IQGAP2: variants seen among roughly 807,000 people sequenced by gnomAD.
IQGAP2 encodes ras GTPase-activating-like protein IQGAP2.
A neutral mutation model predicts 201.3 loss-of-function variants in IQGAP2; 173 were observed. That is an observed-to-expected ratio of 0.86 (90% CI 0.76 to 0.98). The LOEUF (loss-of-function observed/expected upper bound fraction) is 0.98. IQGAP2 is among the 50% of genes least tolerant of loss of function. The pLI is 0.00. For synonymous variants in IQGAP2, 675 were observed against 673.9 expected (o/e 1.00, Z -0.03); for missense variants, 1,687 against 1,864.8 (o/e 0.90, Z 1.76).
intron 1 of IQGAP2, among the ~76,000 whole-genome samples, chr5:76,436,491 ATATATATATATATATATATATATATATTT>A (rs1752666632): frequency 6.1e-5 from 1 of 16,524 alleles, no homozygotes; most frequent in South Asian, 2.8e-3. Flanking sequence ...ATATATATAT[ATATATATATATATATATATATATATATTT>A]TTTTTTTTTT....
chr5:76,533,306 TAG>T (rs1759426112), intron 2 of IQGAP2, among the ~76,000 whole-genome samples: 1 of 152,144 alleles, frequency 6.6e-6, no homozygotes, highest in Non-Finnish European at 1.5e-5. Context: ...GATGGTGCAG[TAG>T]AATGTTAAAT....
In IQGAP2 at chr5:76,701,210, A is replaced by G. The variant is rs199687430; in HGVS notation, c.4502A>G (p.Asn1501Ser). The G allele has an allele frequency of 3.7e-6, 6 of 1,614,006 alleles. No homozygotes were observed. The highest frequency in any genetic ancestry group is 2.2e-5 in the South Asian group (2 of 91,046). The change falls in exon 34 of 36, where the codon AAC becomes AGC. Residue 1501 changes from asparagine (N) to serine (S), a missense_variant. Physicochemically the swap from Asn to Ser is conservative, Grantham distance 46. Coordinates refer to ENST00000274364, the MANE Select transcript of IQGAP2 (RefSeq NM_006633.5). Reference sequence around the variant, plus strand: ...CTAGATATAGATGATCTTCAAACAAACCAGTAAGTGTGACCTGGAATCTGC... The same window carrying G: ...CTAGATATAGATGATCTTCAAACAAGCCAGTAAGTGTGACCTGGAATCTGC... ...VLLDIDDLQT[N>S]QFKNVTFDII...
chr5:76,512,637 C>T (rs965325481), intron 2 of IQGAP2, among the ~76,000 whole-genome samples: 1 of 152,162 alleles, frequency 6.6e-6, no homozygotes, highest in Non-Finnish European at 1.5e-5. Context: ...CTAGTGGCAA[C>T]TGAGGATGTG....
intron 2 of IQGAP2, among the ~76,000 whole-genome samples, chr5:76,543,950 G>C (rs917498945): frequency 1.3e-5 from 2 of 152,190 alleles, no homozygotes; most frequent in African/African-American, 4.8e-5. Context: ...TTAGGCAGGT[G>C]AAATGGTACT....
chr5:76,704,639 T>C (rs1747714106), intron 35 of IQGAP2, among the ~76,000 whole-genome samples: 2 of 152,346 alleles, frequency 1.3e-5, no homozygotes, highest in South Asian at 4.1e-4. Flanking sequence ...TGCCCTGTTT[T>C]TAAAATTATT....
At chr5:76,620,907 C>A (rs549786126) in intron 13 of IQGAP2, among the ~76,000 whole-genome samples, 56 of 152,262 alleles carry the variant, frequency 3.7e-4, no homozygotes, top group South Asian at 1.7e-3. Context: ...CTAATTCCTG[C>A]AATTTCAAAA....
rs1384126353 is a variant in IQGAP2 at position 76,566,321 on chromosome 5, T to A, written c.303+3769T>A. The stretch of plus-strand genomic sequence containing the variant: ...GGAGATGGGCTTCTCAGAGGAGGAG[T>A]TTACTCTGAGGATGGAAGAGTGAGA... On this transcript the variant is annotated intron_variant, in intron 3 of 35. Transcript: ENST00000274364. 2.6e-5 allele frequency among the ~76,000 whole-genome samples: 4 copies of A among 151,740 alleles called. No homozygotes were observed. In the East Asian group the frequency reaches 7.8e-4, roughly 29 times the overall value.
At chr5:76,539,046 C>T (rs757776792) in intron 2 of IQGAP2, among the ~76,000 whole-genome samples, 3 of 152,190 alleles carry the variant, frequency 2.0e-5, no homozygotes, top group Non-Finnish European at 4.4e-5. Context: ...CAAAGGACAG[C>T]AGTGTCCCCC....
chr5:76,495,610 G>A (rs1196777180), intron 2 of IQGAP2, among the ~76,000 whole-genome samples: 1 of 152,186 alleles, frequency 6.6e-6, no homozygotes, highest in Non-Finnish European at 1.5e-5. Context: ...GCTGAGTAAT[G>A]TATAAAGAAA....
chr5:76,478,181 C>A (rs369579007), intron 2 of IQGAP2, among the ~76,000 whole-genome samples: 1 of 152,074 alleles, frequency 6.6e-6, no homozygotes, highest in African/African-American at 2.4e-5. Flanking sequence ...GGGTGGATCA[C>A]CTGAGGCCAA....
chr5:76,659,143 T>C (rs191750933), intron 21 of IQGAP2, among the ~76,000 whole-genome samples: 54 of 152,324 alleles, frequency 3.5e-4, no homozygotes, highest in Admixed American at 2.9e-3. Flanking sequence ...TTATTATAAA[T>C]TAGTGGTTCT....
intron 2 of IQGAP2, among the ~76,000 whole-genome samples, chr5:76,532,357 A>G (rs934722314): frequency 6.6e-6 from 1 of 152,064 alleles, no homozygotes; most frequent in African/African-American, 2.4e-5. Flanking sequence ...ATGAAAAAGA[A>G]AAAAAACCCA....
At chr5:76,524,978 C>T (rs1561437708) in intron 2 of IQGAP2, among the ~76,000 whole-genome samples, 2 of 152,172 alleles carry the variant, frequency 1.3e-5, no homozygotes, top group Non-Finnish European at 1.5e-5. Flanking sequence ...CTATCTTTTT[C>T]CTCTGTCTTA....
chr5:76,673,085 A>C (rs887679339), intron 24 of IQGAP2, among the ~76,000 whole-genome samples: 2 of 152,038 alleles, frequency 1.3e-5, no homozygotes, highest in Non-Finnish European at 2.9e-5. Flanking sequence ...ATTAATTTAA[A>C]AAAAAGAAAA....
intron 27 of IQGAP2, 192 bp from the exon 28 acceptor site, chr5:76,677,026 G>A (rs921873494): frequency 5.6e-6 from 3 of 538,232 alleles, no homozygotes; most frequent in Admixed American, 6.7e-5. Context: ...TGAGGAGCTG[G>A]GTCCAATATC....
At chr5:76,510,619 G>T in intron 2 of IQGAP2, 1 of 517,198 alleles carries the variant, frequency 1.9e-6, no homozygotes, top group Non-Finnish European at 3.9e-6. Context: ...CTAGATCAGA[G>T]GGGCCCAGGG....
At chr5:76,511,212 T>C (rs1757939540) in intron 2 of IQGAP2, among the ~76,000 whole-genome samples, 1 of 152,072 alleles carries the variant, frequency 6.6e-6, no homozygotes. Context: ...ATTCCAGAGA[T>C]GGGTGGCTAA....
chr5:76,454,960 T>C (rs1434410378), intron 1 of IQGAP2, among the ~76,000 whole-genome samples: 2 of 152,194 alleles, frequency 1.3e-5, no homozygotes, highest in African/African-American at 2.4e-5. Flanking sequence ...ACCTGTTGTT[T>C]CCTGACTTTT....
At chr5:76,674,403 T>TAA (rs539361187) in intron 26 of IQGAP2, 74 bp from the exon 27 acceptor site, 136 of 631,610 alleles carry the variant, frequency 2.2e-4, no homozygotes, top group African/African-American at 1.3e-3. Context: ...TATATATCTT[T>TAA]AAAAAAAAAA....
Sources: gnomAD v4.1 joint callset for allele counts (sites outside exome capture counted in the v4.1 genomes callset) on GRCh38, gnomAD v4.1.1 for gene constraint, MANE v1.5 for transcripts, NCBI Gene and HGNC (gene_info 2026-07-23, HGNC 2026-07-21) for gene names.